Variants in RMDN2 observed in about 807,000 individuals in gnomAD.
RMDN2 encodes the protein regulator of microtubule dynamics 2.
Under a neutral mutation model 52.8 loss-of-function variants are expected in RMDN2, and 61 were observed. The observed-to-expected ratio is 1.16, with a 90% CI of 0.94 to 1.43. RMDN2 has a LOEUF of 1.43. Among genes scored for constraint, RMDN2 ranks in the 40% most tolerant of loss-of-function variants. The probability of loss-of-function intolerance (pLI) is 0.00; values close to 1 mark genes in which losing one functional copy is unlikely to be tolerated. For missense variants in RMDN2, 592 were observed against 475.3 expected (o/e 1.25, Z -2.28); for synonymous variants, 180 against 153.1 (o/e 1.18, Z -1.30).
chr2:37,933,535 C>T (rs1667028592), intron 2 of RMDN2, among the ~76,000 whole-genome samples: 1 of 152,234 alleles, frequency 6.6e-6, no homozygotes, highest in Non-Finnish European at 1.5e-5. Flanking sequence ...CTCGGGAGGC[C>T]GAGGCTGGCG....
chr2:38,045,477 A>G (rs978519293), intron 10 of RMDN2, among the ~76,000 whole-genome samples: 2 of 152,204 alleles, frequency 1.3e-5, no homozygotes, highest in Non-Finnish European at 2.9e-5. Flanking sequence ...CCTAATCTTT[A>G]AAAAGGAGCA....
chr2:38,047,339 C>G (rs569771525), intron 10 of RMDN2, among the ~76,000 whole-genome samples: 50 of 152,232 alleles, frequency 3.3e-4, no homozygotes, highest in African/African-American at 1.2e-3. Context: ...GCAGCAATAT[C>G]TATAATGACC....
intron 10 of RMDN2, among the ~76,000 whole-genome samples, chr2:38,012,363 G>A (rs78245434): frequency 0.023 from 3,570 of 152,184 alleles, 148 homozygotes; most frequent in African/African-American, 0.082. Context: ...TAACAACCAG[G>A]TTTGTCTCAT....
intron 8 of RMDN2, among the ~76,000 whole-genome samples, chr2:38,001,014 G>C (rs1676246766): frequency 6.6e-6 from 1 of 152,216 alleles, no homozygotes; most frequent in African/African-American, 2.4e-5. Flanking sequence ...GTGTGGCAAT[G>C]TTGGGAGACA....
downstream of RMDN2, among the ~76,000 whole-genome samples, chr2:38,020,549 C>T (rs1679272926): frequency 6.6e-6 from 1 of 152,228 alleles, no homozygotes; most frequent in African/African-American, 2.4e-5. Flanking sequence ...GTGCCCGGCG[C>T]TTGCGGGCCA....
chr2:38,044,715 A>T (rs552425242), intron 10 of RMDN2, among the ~76,000 whole-genome samples: 7 of 152,046 alleles, frequency 4.6e-5, no homozygotes, highest in Non-Finnish European at 7.4e-5. Context: ...TTGTTACAGC[A>T]TTTTTGATTT....
downstream of RMDN2, among the ~76,000 whole-genome samples, chr2:38,018,882 ACGCACACG>A (rs1489496146): frequency 1.3e-5 from 2 of 152,190 alleles, no homozygotes; most frequent in East Asian, 1.9e-4. Context: ...GTGCACATGC[ACGCACACG>A]CACACACGCA....
rs1263938645 is a variant in RMDN2, at chr2:37,974,085, C to T, written c.498C>T (p.Val166=). The T allele has an allele frequency of 6.2e-7, 1 of 1,612,406 alleles. No homozygotes were observed. The highest frequency in any genetic ancestry group is 1.1e-5 in the South Asian group (1 of 90,818). The change falls in exon 3 of 11, where the codon GTC becomes GTT. Residue 166 remains valine, a synonymous_variant. Coordinates refer to ENST00000354545, the MANE Select transcript of RMDN2 (RefSeq NM_001170791.3). ...NTDTEEQSFP[V]PKAFNTRVEE... is the part of the protein sequence containing the mutation. ...ACACAGAAGAACAGAGTTTTCCAGTCCCTAAGGCATTTAACACACGTGTAG... is the reference window on the plus strand; with the variant it reads ...ACACAGAAGAACAGAGTTTTCCAGTTCCTAAGGCATTTAACACACGTGTAG...
chr2:37,952,602 A>G (rs932092858), intron 2 of RMDN2: 1 of 259,632 alleles, frequency 3.9e-6, no homozygotes, highest in Non-Finnish European at 7.3e-6. Flanking sequence ...ATCATTAGAA[A>G]TAGTATTCTT....
chr2:37,969,897 G>C (rs1401023822), intron 2 of RMDN2, among the ~76,000 whole-genome samples: 1 of 148,696 alleles, frequency 6.7e-6, no homozygotes, highest in Non-Finnish European at 1.5e-5. Context: ...TTGCTTCCTT[G>C]CTTTCTCTTT....
In RMDN2 at chr2:37,962,462, C is replaced by A. The variant is rs981110700; in HGVS notation, c.453-11578C>A. 2.6e-5 allele frequency among the ~76,000 whole-genome samples: 4 copies of A among 152,310 alleles called. No homozygotes were observed. The South Asian group carries it at 6.2e-4, about 24-fold the overall frequency. ...TGCACTGCAGTGGGCTCCACCCAGT[C>A]CGAACTTCTGGTGGCTTTGTTTACA... On this transcript the variant is annotated intron_variant, in intron 2 of 10. Transcript: ENST00000354545.
At chr2:37,991,178 C>A in intron 6 of RMDN2, 42 bp from the exon 7 acceptor site, 1 of 1,192,776 alleles carries the variant, frequency 8.4e-7, no homozygotes, top group South Asian at 1.4e-5. Context: ...TCAACAATAT[C>A]TGAAACTTGG....
intron 2 of RMDN2, chr2:37,951,152 A>G: frequency 1.5e-6 from 2 of 1,326,752 alleles, no homozygotes; most frequent in Non-Finnish European, 2.0e-6. Flanking sequence ...CAAAAGGTGG[A>G]TATTATTCTT....
In RMDN2 at chr2:37,951,591, C is replaced by T. The variant is rs147584543; in HGVS notation, c.452+21862C>T. On this transcript the variant is annotated intron_variant, in intron 2 of 10. Transcript: ENST00000354545. ...TGGTAGCTTTATTTCCCGCAGAAGA[C>T]GTTTCTCATCCCGTAAACTAAGTAT... 6.8e-5 allele frequency: 110 copies of T among 1,613,114 alleles called. 1 individual carries two copies. The highest frequency in any genetic ancestry group is 6.7e-5 in the Non-Finnish European group (79 of 1,179,712).
At chr2:38,021,084 T>A (rs1435029687), downstream of RMDN2, among the ~76,000 whole-genome samples, 2 of 152,152 alleles carry the variant, frequency 1.3e-5, no homozygotes, top group Non-Finnish European at 2.9e-5. Flanking sequence ...CAGCACCCTG[T>A]GTCTAGCTCA....
At chr2:37,999,426 TTA>T (rs1676016609) in intron 8 of RMDN2, among the ~76,000 whole-genome samples, 1 of 152,266 alleles carries the variant, frequency 6.6e-6, no homozygotes, top group Middle Eastern at 3.4e-3. Flanking sequence ...TTTAATTTCA[TTA>T]AAATTTAAAC....
chr2:38,061,531 G>A (rs1682049851), intron 10 of RMDN2, among the ~76,000 whole-genome samples: 1 of 151,698 alleles, frequency 6.6e-6, no homozygotes, highest in Non-Finnish European at 1.5e-5. Flanking sequence ...CACATGGAGA[G>A]GATGTAAGAG....
intron 2 of RMDN2, chr2:37,951,448 C>A: frequency 6.2e-7 from 1 of 1,612,514 alleles, no homozygotes; most frequent in Non-Finnish European, 8.5e-7. Flanking sequence ...AGAAGATATT[C>A]TTTATTTGTT....
chr2:37,925,046 C>T (rs961325145), upstream of RMDN2, among the ~76,000 whole-genome samples: 2 of 152,178 alleles, frequency 1.3e-5, no homozygotes, highest in East Asian at 3.9e-4. Flanking sequence ...AGAGGGAACG[C>T]GCTGGGGCTA....
Sources: allele counts gnomAD v4.1 joint callset (sites outside exome capture counted in the v4.1 genomes callset), GRCh38; gene constraint gnomAD v4.1.1; transcripts MANE v1.5; gene names NCBI Gene and HGNC (gene_info 2026-07-23, HGNC 2026-07-21).